Variants in EXOSC10 observed in about 807,000 individuals in gnomAD.
EXOSC10 encodes exosome component 10.
Under a neutral mutation model 126.6 loss-of-function variants are expected in EXOSC10, and 94 were observed. The ratio of observed to expected loss-of-function variants is 0.74; its 90% confidence interval spans 0.63 to 0.88. EXOSC10 has a LOEUF of 0.88. Ranked by LOEUF, EXOSC10 falls within the 40% of genes least tolerant of loss-of-function variation. The probability of loss-of-function intolerance (pLI) is 0.00; values close to 1 mark genes in which losing one functional copy is unlikely to be tolerated. For synonymous variants in EXOSC10, 395 were observed against 400.8 expected (o/e 0.99, Z 0.17); for missense variants, 1,041 against 1,100.5 (o/e 0.95, Z 0.77).
chr1:11,081,283 A>G (rs772846048), intron 10 of EXOSC10, 45 bp from the exon 11 acceptor site: 3 of 1,603,298 alleles, frequency 1.9e-6, no homozygotes, highest in East Asian at 2.2e-5. Flanking sequence ...CCCCAAGGAC[A>G]GCAATTCAAT....
chr1:11,070,933 T>G lies in EXOSC10; in HGVS notation c.2283A>C (p.Ala761=). 1.9e-6 allele frequency: 3 copies of G among 1,614,216 alleles called. No homozygotes were observed. The highest frequency in any genetic ancestry group is 1.1e-5 in the South Asian group (1 of 91,088). The change falls in exon 21 of 25, where the codon GCA becomes GCC. Residue 761 remains alanine (A), a synonymous_variant. Coordinates refer to ENST00000376936, the MANE Select transcript of EXOSC10 (RefSeq NM_001001998.3). The part of the protein sequence containing the change: ...EQAKEACKAA[A]EQAISVRQQV... ...GCTGTCGGACGGAGATGGCCTGTTC[T>G]GCTGCAGCTTTGCACGCCTCCTTTG...
Position 11,080,561 on chromosome 1 carries a change from A to ACAC in EXOSC10, c.1587-13_1587-12insGTG, listed in dbSNP as rs1557704190. On this transcript the variant is annotated splice_polypyrimidine_tract_variant and intron_variant, in intron 12 of 24. Transcript: ENST00000376936. The stretch of plus-strand genomic sequence containing the variant: ...TTGGCAGTACATATCTGGAAAAAAA[A>ACAC]AAACACACACACACACACACACACA... 2.3e-4 allele frequency: 351 copies of ACAC among 1,504,418 alleles called. 1 individual carries two copies. The African/African-American group carries it at 3.9e-3, about 17-fold the overall frequency. The allele number at this position is 1,504,418 out of a possible 1,614,324, so 93.2% of individuals were successfully genotyped here. A position where few individuals can be genotyped will look rare whatever the true frequency, so the allele number is the denominator to read the frequency against.
chr1:11,080,288 T>G (rs1192842605), intron 13 of EXOSC10, among the ~76,000 whole-genome samples: 2 of 152,114 alleles, frequency 1.3e-5, no homozygotes, highest in African/African-American at 4.8e-5. Context: ...TAAGGCATAA[T>G]CATTGAAATG....
At chr1:11,093,700 T>G (rs1640917240) in intron 3 of EXOSC10, among the ~76,000 whole-genome samples, 1 of 152,180 alleles carries the variant, frequency 6.6e-6, no homozygotes, top group Non-Finnish European at 1.5e-5. Flanking sequence ...CAGTAGATTT[T>G]GAGTAACGGT....
At chr1:11,083,737 A>T (rs1318773419) in intron 9 of EXOSC10, among the ~76,000 whole-genome samples, 1 of 152,080 alleles carries the variant, frequency 6.6e-6, no homozygotes, top group East Asian at 1.9e-4. Flanking sequence ...CTAACTCATC[A>T]TCTAGCATTA....
At chr1:11,068,374 GC>G in intron 23 of EXOSC10, 1 of 589,962 alleles carries the variant, frequency 1.7e-6, no homozygotes, top group Non-Finnish European at 3.0e-6. Flanking sequence ...GCTTGTGCTG[GC>G]CCCAAAGGGG....
At chr1:11,082,594 T>C (rs1407341398) in intron 10 of EXOSC10, 94 bp downstream of exon 10, 3 of 1,564,738 alleles carry the variant, frequency 1.9e-6, no homozygotes, top group Non-Finnish European at 2.6e-6. Flanking sequence ...TCAATGAGCG[T>C]GGTAGGGCTC....
Position 11,091,480 on chromosome 1 carries a change from G to A in EXOSC10, c.477+13C>T. The A allele has an allele frequency of 6.2e-7, 1 of 1,609,024 alleles. No individual in the cohort carries two copies. Among genetic ancestry groups the A allele is most frequent in the Non-Finnish European group, 8.5e-7 (1 of 1,176,058 alleles). On this transcript the variant is annotated intron_variant, in intron 4 of 24. Transcript: ENST00000376936. ...TGACATCAAGAGCTCTAGTTAATCTGAAAAGCCCTCACCTTACGGTTCCAG... is the reference window on the plus strand; with the variant it reads ...TGACATCAAGAGCTCTAGTTAATCTAAAAAGCCCTCACCTTACGGTTCCAG...
Position 11,074,003 on chromosome 1 carries a change from C to A in EXOSC10, c.2088G>T (p.Leu696=). 1 of 1,613,404 alleles carries A rather than the reference C, an allele frequency of 6.2e-7. No homozygotes were observed. Among genetic ancestry groups the A allele is most frequent in the Non-Finnish European group, 8.5e-7 (1 of 1,179,878 alleles). ...ESFENPFRMF[L]PSLGHRAPVS... ...CGGGAGCACGGTGTCCCAGTGAGGG[C>A]AGAAACTGGAGGAAGGAAATGGCTG... The change falls in exon 19 of 25, where the codon CTG becomes CTT. Residue 696 remains leucine (L), a synonymous_variant. Transcript: ENST00000376936.
chr1:11,099,703 G>A lies in EXOSC10; in HGVS notation c.111+18C>T, dbSNP rs1641326747. On this transcript the variant is annotated intron_variant, in intron 1 of 24. Transcript: ENST00000376936. ...GCCGCGGGCGACTCCTGGTACCCCC[G>A]AGGCCCCGCGAACTCACCTTCACAA... The A allele has an allele frequency of 6.3e-7, 1 of 1,590,860 alleles. No individual in the cohort carries two copies. Among genetic ancestry groups the A allele is most frequent in the Admixed American group, 1.8e-5 (1 of 57,130 alleles).
At position 11,066,756 on chromosome 1, in the gene EXOSC10, G is replaced by C. The variant is rs199575372; in HGVS notation, c.2628-8C>G. ...CAGTTGTACCTGAAGCCTCTGCAGA[G>C]AGTACAAAAACAACAGTTATTTCTT... On this transcript the variant is annotated splice_polypyrimidine_tract_variant and splice_region_variant and intron_variant, in intron 24 of 24. Transcript: ENST00000376936. 4.3e-6 allele frequency: 7 copies of C among 1,613,952 alleles called. No homozygotes were observed. Among genetic ancestry groups the C allele is most frequent in the African/African-American group, 1.3e-5 (1 of 74,932 alleles).
At chr1:11,072,193 C>T in intron 19 of EXOSC10, 22 bp from the exon 20 acceptor site, 1 of 1,560,182 alleles carries the variant, frequency 6.4e-7, no homozygotes, top group African/African-American at 1.4e-5. Flanking sequence ...GCAAATATAA[C>T]AAAAAAAACC....
chr1:11,098,223 T>C (rs1300126674), intron 1 of EXOSC10, 67 bp from the exon 2 acceptor site: 1 of 1,532,332 alleles, frequency 6.5e-7, no homozygotes, highest in African/African-American at 1.4e-5. Flanking sequence ...TGTCATTTTT[T>C]TGATCTATCG....
chr1:11,095,672 T>C (rs1272368786), intron 3 of EXOSC10, 86 bp downstream of exon 3: 2 of 1,243,078 alleles, frequency 1.6e-6, no homozygotes, highest in Non-Finnish European at 2.3e-6. Context: ...CGAGATCGCA[T>C]CACTGCACTC....
intron 6 of EXOSC10, among the ~76,000 whole-genome samples, chr1:11,090,043 G>C (rs1206843852): frequency 1.4e-5 from 2 of 146,102 alleles, no homozygotes; most frequent in Non-Finnish European, 3.0e-5. Context: ...TATCACTCAG[G>C]CTGGAGTGCA....
intron 10 of EXOSC10, among the ~76,000 whole-genome samples, chr1:11,082,249 T>G (rs567314288): frequency 6.6e-6 from 1 of 152,156 alleles, no homozygotes. Flanking sequence ...TGCTACCTTA[T>G]GCCACAAAAA....
intron 1 of EXOSC10, among the ~76,000 whole-genome samples, chr1:11,099,162 G>A (rs1029389865): frequency 6.6e-6 from 1 of 152,212 alleles, no homozygotes; most frequent in Non-Finnish European, 1.5e-5. Context: ...TTGTACGTTT[G>A]CTCATATTTA....
chr1:11,067,570 C>T (rs1557688610), intron 24 of EXOSC10, among the ~76,000 whole-genome samples: 1 of 152,166 alleles, frequency 6.6e-6, no homozygotes, highest in Non-Finnish European at 1.5e-5. Context: ...TGCCACTGCA[C>T]TCCAGCCTGG....
At chr1:11,069,244 T>TGTGTGTGTGTGTGTGAGAGAGAGA in intron 22 of EXOSC10, among the ~76,000 whole-genome samples, 57 of 116,894 alleles carry the variant, frequency 4.9e-4, no homozygotes, top group South Asian at 1.9e-3. Context: ...TGTGTGTGTG[T>TGTGTGTGTGTGTGTGAGAGAGAGA]GAGAGAGAGA....
Sources: gnomAD v4.1 joint callset for allele counts (sites outside exome capture counted in the v4.1 genomes callset) on GRCh38, gnomAD v4.1.1 for gene constraint, MANE v1.5 for transcripts, NCBI Gene and HGNC (gene_info 2026-07-23, HGNC 2026-07-21) for gene names.